Variants in HSPA12A observed in about 807,000 individuals in gnomAD.
HSPA12A encodes the protein heat shock protein family A (Hsp70) member 12A, also known as heat shock 70 kDa protein 12A.
In HSPA12A, 28 loss-of-function variants were observed where a neutral mutation model predicts 69.2. The ratio of observed to expected loss-of-function variants is 0.40; its 90% CI spans 0.30 to 0.55. The LOEUF (loss-of-function observed/expected upper bound fraction) is 0.55. Among genes scored for constraint, HSPA12A ranks in the 20% least tolerant of loss-of-function variants. The probability of loss-of-function intolerance (pLI) is 0.38; values close to 1 mark genes in which losing one functional copy is unlikely to be tolerated. For missense variants in HSPA12A, 686 were observed against 900.7 expected (o/e 0.76, Z 3.05); for synonymous variants, 345 against 370.5 (o/e 0.93, Z 0.79).
intron 2 of HSPA12A, among the ~76,000 whole-genome samples, chr10:116,798,928 C>G (rs1844895601): frequency 6.6e-6 from 1 of 152,040 alleles, no homozygotes; most frequent in Non-Finnish European, 1.5e-5. Flanking sequence ...TGACAAGGCA[C>G]CGCACAGCCA....
chr10:116,736,337 G>A (rs1164133426), intron 1 of HSPA12A, among the ~76,000 whole-genome samples: 3 of 152,126 alleles, frequency 2.0e-5, no homozygotes, highest in African/African-American at 7.2e-5. Flanking sequence ...CAACACGGAG[G>A]AGGAGTCATT....
chr10:116,732,071 C>T (rs1554885818), intron 1 of HSPA12A, among the ~76,000 whole-genome samples: 1 of 152,064 alleles, frequency 6.6e-6, no homozygotes, highest in Non-Finnish European at 1.5e-5. Context: ...TGGCTCATGC[C>T]TGTAATCCCA....
intron 1 of HSPA12A, among the ~76,000 whole-genome samples, chr10:116,736,242 T>C (rs1564801943): frequency 6.6e-6 from 1 of 152,092 alleles, no homozygotes; most frequent in Admixed American, 6.6e-5. Flanking sequence ...CTACTGAGAT[T>C]GAATAGAAGT....
upstream of HSPA12A, among the ~76,000 whole-genome samples, chr10:116,746,377 G>C (rs1851649431): frequency 1.3e-5 from 2 of 152,250 alleles, no homozygotes; most frequent in Non-Finnish European, 2.9e-5. Context: ...CTGGCCCCCA[G>C]CTCAGAAGAA....
At chr10:116,785,374 A>T (rs1844553794) in intron 2 of HSPA12A, among the ~76,000 whole-genome samples, 1 of 152,120 alleles carries the variant, frequency 6.6e-6, no homozygotes, top group Admixed American at 6.5e-5. Context: ...CTGCCAGTGG[A>T]CATGGCAGCC....
chr10:116,688,577 A>T (rs1849645841), intron 6 of HSPA12A, among the ~76,000 whole-genome samples: 1 of 152,252 alleles, frequency 6.6e-6, no homozygotes, highest in Non-Finnish European at 1.5e-5. Context: ...CAGCTGAGAA[A>T]AAATAGCCAG....
At chr10:116,705,928 C>T (rs1192829406) in intron 2 of HSPA12A, among the ~76,000 whole-genome samples, 1 of 144,828 alleles carries the variant, frequency 6.9e-6, no homozygotes, top group Non-Finnish European at 1.5e-5. Context: ...CGGAGTCTCG[C>T]TCTGTCGCCC....
chr10:116,698,886 G>A (rs1157172378), intron 4 of HSPA12A, 147 bp from the exon 5 acceptor site: 29 of 626,712 alleles, frequency 4.6e-5, no homozygotes, highest in East Asian at 3.2e-4. Context: ...CTAGGATGGC[G>A]CATCCCCCAA....
intron 1 of HSPA12A, among the ~76,000 whole-genome samples, chr10:116,738,206 C>T (rs1379620643): frequency 6.6e-6 from 1 of 152,210 alleles, no homozygotes; most frequent in African/African-American, 2.4e-5. Flanking sequence ...CCAAGCCCTG[C>T]CTGACTCCCC....
At chr10:116,732,116 A>C (rs1319332001) in intron 1 of HSPA12A, among the ~76,000 whole-genome samples, 1 of 152,050 alleles carries the variant, frequency 6.6e-6, no homozygotes, top group Non-Finnish European at 1.5e-5. Context: ...AGATCATTTG[A>C]GGTCAGGAGT....
chr10:116,795,996 A>G (rs946276193), intron 2 of HSPA12A, among the ~76,000 whole-genome samples: 3 of 150,806 alleles, frequency 2.0e-5, no homozygotes, highest in African/African-American at 7.3e-5. Flanking sequence ...AATACAAAAA[A>G]AATTAGCCGG....
At chr10:116,762,687 G>T (rs560686913) in intron 2 of HSPA12A, among the ~76,000 whole-genome samples, 11 of 152,174 alleles carry the variant, frequency 7.2e-5, no homozygotes, top group Non-Finnish European at 1.5e-4. Context: ...GGGTTCAAGC[G>T]ATTCTTCTGC....
rs574508771 is a variant in HSPA12A, at chr10:116,761,147, C to T, written c.92-53862G>A. On this transcript the variant is annotated intron_variant, in intron 2 of 12. Coordinates refer to the HSPA12A transcript ENST00000635765. The stretch of plus-strand genomic sequence containing the variant: ...GGTGAGTCACTTCAGCCTGGAAGTT[C>T]GAGATGAGCCTGGCCAACATGGTGA... Among the ~76,000 whole-genome samples, 112 of 152,052 alleles carry T rather than the reference C, an allele frequency of 7.4e-4. No homozygotes were observed. The Middle Eastern group carries it at 0.01, about 14-fold the overall frequency.
intron 1 of HSPA12A, among the ~76,000 whole-genome samples, chr10:116,740,405 C>T (rs1330017919): frequency 3.9e-5 from 6 of 152,212 alleles, no homozygotes; most frequent in South Asian, 4.1e-4. Flanking sequence ...CTCCATTTTA[C>T]AGATAAAGGG....
intron 1 of HSPA12A, among the ~76,000 whole-genome samples, chr10:116,848,335 T>C (rs1845938733): frequency 6.6e-6 from 1 of 152,218 alleles, no homozygotes; most frequent in Non-Finnish European, 1.5e-5. Flanking sequence ...ATGTCTGGGT[T>C]TGTGTAACAG....
chr10:116,765,006 G>A (rs563227973), intron 2 of HSPA12A, among the ~76,000 whole-genome samples: 2 of 152,208 alleles, frequency 1.3e-5, no homozygotes, highest in South Asian at 4.1e-4. Flanking sequence ...GTGAAGGATT[G>A]AATAAATGAG....
chr10:116,739,719 T>C (rs1290656967), intron 1 of HSPA12A, among the ~76,000 whole-genome samples: 1 of 152,202 alleles, frequency 6.6e-6, no homozygotes, highest in East Asian at 1.9e-4. Flanking sequence ...GACCCTCAAG[T>C]GTGGCCCTTC....
chr10:116,683,589 G>A (rs782770913), intron 7 of HSPA12A: 1 of 417,326 alleles, frequency 2.4e-6, no homozygotes, highest in Non-Finnish European at 4.2e-6. Flanking sequence ...ATGAACCAGG[G>A]TAACCATGCC....
intron 2 of HSPA12A, among the ~76,000 whole-genome samples, chr10:116,789,805 A>C (rs886712633): frequency 3.9e-5 from 6 of 152,126 alleles, no homozygotes; most frequent in Non-Finnish European, 8.8e-5. Flanking sequence ...TGAGGAGGGC[A>C]TTATCTCTGG....
Sources: gnomAD v4.1 joint callset for allele counts (sites outside exome capture counted in the v4.1 genomes callset) on GRCh38, gnomAD v4.1.1 for gene constraint, MANE v1.5 for transcripts, NCBI Gene and HGNC (gene_info 2026-07-23, HGNC 2026-07-21) for gene names.